Variants in PTBP3 observed in about 807,000 individuals in gnomAD.
The protein encoded by PTBP3 is polypyrimidine tract-binding protein 3.
Under a neutral mutation model 58.7 loss-of-function variants are expected in PTBP3, and 20 were observed. That is an observed-to-expected ratio of 0.34 (90% confidence interval 0.24 to 0.50). The LOEUF (loss-of-function observed/expected upper bound fraction) is 0.50. Among genes scored for constraint, PTBP3 ranks in the 20% least tolerant of loss-of-function variants. The pLI is 0.98. For synonymous variants in PTBP3, 185 were observed against 219.8 expected (o/e 0.84, Z 1.40); for missense variants, 509 against 637.2 (o/e 0.80, Z 2.17).
chr9:112,359,376 G>A, the PTBP3 span, among the ~76,000 whole-genome samples: 14 of 152,106 alleles, frequency 9.2e-5, no homozygotes, highest in African/African-American at 2.9e-4. Context: ...ACCCCAGGAG[G>A]CAGAGGTTGC....
At chr9:112,356,123 G>A in the PTBP3 span, among the ~76,000 whole-genome samples, 4 of 150,510 alleles carry the variant, frequency 2.7e-5, no homozygotes, top group African/African-American at 7.3e-5. Flanking sequence ...GATTACAGGC[G>A]CACACCACCA....
At chr9:112,376,156 GATAT>G in the PTBP3 span, among the ~76,000 whole-genome samples, 1,770 of 116,612 alleles carry the variant, frequency 0.015, 70 homozygotes, top group East Asian at 0.088. Flanking sequence ...TTCTCTAGAG[GATAT>G]ATATATATAT....
chr9:112,261,240 T>C (rs543523285), intron 5 of PTBP3, among the ~76,000 whole-genome samples: 2 of 152,342 alleles, frequency 1.3e-5, no homozygotes, highest in African/African-American at 4.8e-5. Flanking sequence ...GTTTAGGACA[T>C]GCTTCACAAA....
At chr9:112,330,144 G>A (rs1331632879) in intron 1 of PTBP3, among the ~76,000 whole-genome samples, 1 of 151,934 alleles carries the variant, frequency 6.6e-6, no homozygotes, top group African/African-American at 2.4e-5. Flanking sequence ...GTGAGCCACC[G>A]CACCCGGCCT....
chr9:112,231,888 G>C (rs535975645), intron 9 of PTBP3, among the ~76,000 whole-genome samples: 148 of 149,326 alleles, frequency 9.9e-4, no homozygotes, highest in African/African-American at 3.5e-3. Flanking sequence ...CTGAGTAACA[G>C]AGTAAAATCC....
chr9:112,233,444 C>T (rs1452939813), intron 8 of PTBP3, among the ~76,000 whole-genome samples: 1 of 151,758 alleles, frequency 6.6e-6, no homozygotes, highest in African/African-American at 2.4e-5. Context: ...TGAGGGAAAA[C>T]ATATCAAAAT....
intron 2 of PTBP3, among the ~76,000 whole-genome samples, chr9:112,295,939 G>C (rs1828666418): frequency 6.6e-6 from 1 of 152,204 alleles, no homozygotes; most frequent in Non-Finnish European, 1.5e-5. Context: ...CCAACATGCA[G>C]CCTGTGCACA....
chr9:112,241,797 C>G, intron 7 of PTBP3, among the ~76,000 whole-genome samples: 1 of 152,224 alleles, frequency 6.6e-6, no homozygotes. Flanking sequence ...TCATGTCCCT[C>G]TGCAATCTCC....
the PTBP3 span, among the ~76,000 whole-genome samples, chr9:112,376,252 G>GTTT: frequency 0.11 from 8,293 of 74,988 alleles, 2,336 homozygotes; most frequent in East Asian, 0.27. Context: ...AGTTTATTAA[G>GTTT]TTTTTTTTTT....
intron 4 of PTBP3, among the ~76,000 whole-genome samples, 189 bp downstream of exon 4, chr9:112,267,860 A>C (rs1284656613): frequency 1.3e-5 from 2 of 152,204 alleles, no homozygotes; most frequent in African/African-American, 4.8e-5. Flanking sequence ...GAAAAAATTA[A>C]CTTCTATTTC....
intron 3 of PTBP3, among the ~76,000 whole-genome samples, chr9:112,270,986 C>T (rs981234626): frequency 2.0e-5 from 3 of 151,976 alleles, no homozygotes; most frequent in South Asian, 4.2e-4. Context: ...GCCACCACAC[C>T]CGGCTTATTT....
At position 112,220,299 on chromosome 9, in the gene PTBP3, C is replaced by T; in HGVS notation, c.*3552G>A. ...AAGAACAGAGAGCCAGGCGTGGTGGCTCATGCCTGTAATCCCAGCACTGTG... is the reference window on the plus strand; with the variant it reads ...AAGAACAGAGAGCCAGGCGTGGTGGTTCATGCCTGTAATCCCAGCACTGTG... On this transcript the variant is annotated 3_prime_UTR_variant, in exon 14 of 14. Transcript: ENST00000374257. 2 of 1,315,736 alleles carry T rather than the reference C, an allele frequency of 1.5e-6. No individual in the cohort carries two copies. Among genetic ancestry groups the T allele is most frequent in the South Asian group, 2.4e-5 (2 of 82,896 alleles). 81.5% of individuals were successfully genotyped at this position (1,315,736 alleles called of 1,614,324 possible). A position where few individuals can be genotyped will look rare whatever the true frequency, so the allele number is the denominator to read the frequency against.
chr9:112,333,522 C>G lies in PTBP3; in HGVS notation c.-104G>C, dbSNP rs758454888. The G allele has an allele frequency of 8.2e-6, 13 of 1,579,786 alleles. No homozygotes were observed. Among genetic ancestry groups the G allele is most frequent in the African/African-American group, 2.8e-5 (2 of 71,822 alleles). On this transcript the variant is annotated 5_prime_UTR_variant, in exon 1 of 14. Transcript: ENST00000374257. ...ACAGAGCAGGGACTGACGGGCTAAC[C>G]GCGAGCAGAGGAAGCAGGCGGCGGC...
At chr9:112,310,061 ATC>A (rs1564453912) in intron 1 of PTBP3, among the ~76,000 whole-genome samples, 2 of 152,334 alleles carry the variant, frequency 1.3e-5, no homozygotes, top group East Asian at 3.9e-4. Flanking sequence ...AACACCTTTC[ATC>A]TACTGAGTGT....
At chr9:112,376,568 A>G in the PTBP3 span, among the ~76,000 whole-genome samples, 7 of 152,052 alleles carry the variant, frequency 4.6e-5, no homozygotes, top group Admixed American at 3.9e-4. Context: ...GTATTAACTC[A>G]CATGATCACA....
At chr9:112,304,611 G>A (rs10981350) in intron 1 of PTBP3, among the ~76,000 whole-genome samples, 73,505 of 152,030 alleles carry the variant, frequency 0.48, 18,091 homozygotes, top group African/African-American at 0.57. Context: ...CTGTCACTCC[G>A]GCTGGACTGC....
At chr9:112,318,804 T>C (rs1486086898) in intron 1 of PTBP3, among the ~76,000 whole-genome samples, 2 of 151,158 alleles carry the variant, frequency 1.3e-5, no homozygotes, top group Non-Finnish European at 2.9e-5. Context: ...AGACTCAATA[T>C]GCTTGAAATG....
chr9:112,232,303 T>A (rs141112201), intron 8 of PTBP3, 65 bp from the exon 9 acceptor site: 1 of 1,390,696 alleles, frequency 7.2e-7, no homozygotes, highest in African/African-American at 1.5e-5. Flanking sequence ...CTTGATACAA[T>A]TTAAGTAAAT....
intron 7 of PTBP3, among the ~76,000 whole-genome samples, chr9:112,239,941 G>A (rs2132021698): frequency 6.6e-6 from 1 of 150,834 alleles, no homozygotes; most frequent in East Asian, 2.0e-4. Context: ...GGTCAAAGAA[G>A]GCAGATGAGA....
Sources: gnomAD v4.1 joint callset for allele counts (sites outside exome capture counted in the v4.1 genomes callset) on GRCh38, gnomAD v4.1.1 for gene constraint, MANE v1.5 for transcripts, NCBI Gene and HGNC (gene_info 2026-07-23, HGNC 2026-07-21) for gene names.